The following PTPN5 variants were observed in gnomAD, a reference collection of about 807,000 sequenced individuals.
PTPN5 encodes the protein tyrosine-protein phosphatase non-receptor type 5.
In PTPN5, 29 loss-of-function variants were observed where a neutral mutation model predicts 73.9. The observed-to-expected ratio is 0.39, with a 90% CI of 0.29 to 0.54. The LOEUF (loss-of-function observed/expected upper bound fraction) is 0.54. Among genes scored for constraint, PTPN5 ranks in the 20% least tolerant of loss-of-function variants. The pLI is 0.65. For missense variants in PTPN5, 652 were observed against 751.4 expected, an observed-to-expected ratio of 0.87 and a Z score of 1.55; for synonymous variants, 267 against 304.7, an observed-to-expected ratio of 0.88 and a Z score of 1.29.
At chr11:18,751,798 T>C (rs1849899945) in intron 3 of PTPN5, among the ~76,000 whole-genome samples, 1 of 152,238 alleles carries the variant, frequency 6.6e-6, no homozygotes, top group Admixed American at 6.5e-5. Flanking sequence ...TTAACTCCTG[T>C]GGTGGTCTTA....
At chr11:18,739,882 G>A (rs1484583891) in intron 8 of PTPN5, among the ~76,000 whole-genome samples, 18 of 152,214 alleles carry the variant, frequency 1.2e-4, no homozygotes, top group Non-Finnish European at 2.5e-4. Context: ...GCCCCCATGC[G>A]GCAAGGTCCG....
At chr11:18,766,892 T>G (rs1406734097) in intron 2 of PTPN5, among the ~76,000 whole-genome samples, 2 of 152,186 alleles carry the variant, frequency 1.3e-5, no homozygotes, top group African/African-American at 4.8e-5. Context: ...GAAAATGCAT[T>G]CTGATGCATT....
At chr11:18,751,511 G>A (rs1191008415) in intron 3 of PTPN5, among the ~76,000 whole-genome samples, 1 of 152,130 alleles carries the variant, frequency 6.6e-6, no homozygotes, top group Non-Finnish European at 1.5e-5. Context: ...CCTCCACCCT[G>A]TTAGTCCTGC....
At chr11:18,732,472 G>T (rs1031636321) in intron 12 of PTPN5, 120 bp downstream of exon 12, 33 of 729,548 alleles carry the variant, frequency 4.5e-5, no homozygotes, top group Admixed American at 6.6e-5. Flanking sequence ...CAGAAAATCT[G>T]GGAGTGACAC....
intron 8 of PTPN5, among the ~76,000 whole-genome samples, chr11:18,739,636 C>G (rs2134212810): frequency 6.6e-6 from 1 of 152,338 alleles, no homozygotes; most frequent in Admixed American, 6.5e-5. Context: ...CAGACAGGCC[C>G]AGGGCGGAGG....
At chr11:18,749,896 T>C (rs920434926) in intron 3 of PTPN5, among the ~76,000 whole-genome samples, 1 of 152,200 alleles carries the variant, frequency 6.6e-6, no homozygotes, top group African/African-American at 2.4e-5. Flanking sequence ...TCTGTTCCTG[T>C]TTACATGAGA....
In PTPN5 at chr11:18,733,973, G is replaced by C. The variant is rs1254332005; in HGVS notation, c.1001-338C>G. 6.6e-6 allele frequency among the ~76,000 whole-genome samples: 1 copy of C among 152,208 alleles called. No individual in the cohort carries two copies. The highest frequency in any genetic ancestry group is 2.4e-5 in the African/African-American group (1 of 41,454). On this transcript the variant is annotated intron_variant, in intron 9 of 14. Transcript: ENST00000358540. This position sits in a 1 kb window ranked among gnomAD's most constrained non-coding sequence, Gnocchi z 4.3. ...AATTACCTAGGGAAATTCCTGTACA[G>C]ATCTTGTTCAGCAAGAGACAGCTAG...
chr11:18,736,009 T>C (rs928218782), intron 9 of PTPN5, among the ~76,000 whole-genome samples: 6 of 152,180 alleles, frequency 3.9e-5, no homozygotes, highest in African/African-American at 1.4e-4. Flanking sequence ...GGGGCACTTA[T>C]GTCAATGTAG....
intron 12 of PTPN5, among the ~76,000 whole-genome samples, chr11:18,732,025 A>G (rs1187475131): frequency 6.6e-6 from 1 of 152,128 alleles, no homozygotes; most frequent in Non-Finnish European, 1.5e-5. Context: ...GGGTGGGAGG[A>G]TACCTTCTCC....
At chr11:18,740,908 T>C (rs909545993) in intron 7 of PTPN5, 116 bp from the exon 8 acceptor site, 8 of 576,712 alleles carry the variant, frequency 1.4e-5, no homozygotes, top group Admixed American at 4.0e-5. Context: ...CAGGGTGGGG[T>C]TGAGGAAGAG....
chr11:18,729,623 C>T lies in PTPN5; in HGVS notation c.1490+35G>A. 6.3e-7 allele frequency: 1 copy of T among 1,574,906 alleles called. No homozygotes were observed. The highest frequency in any genetic ancestry group is 1.1e-5 in the South Asian group (1 of 89,048). ...GCAGGGCAGCCCAGCGGGTGGGGGG[C>T]TGCCCCGCTCCAGTGGCTGGCTGGG... On this transcript the variant is annotated intron_variant, in intron 13 of 14. Coordinates refer to ENST00000358540, the MANE Select transcript of PTPN5 (RefSeq NM_006906.2). This position sits in a 1 kb window ranked among gnomAD's most constrained non-coding sequence, Gnocchi z 5.2.
At position 18,729,091 on chromosome 11, in the gene PTPN5, A is replaced by T; in HGVS notation, c.1605-64T>A. The T allele has an allele frequency of 6.5e-7, 1 of 1,545,626 alleles. No homozygotes were observed. The highest frequency in any genetic ancestry group is 8.8e-7 in the Non-Finnish European group (1 of 1,131,794). On this transcript the variant is annotated intron_variant, in intron 14 of 14. Transcript: ENST00000358540. The surrounding 1 kb of genome is among the most constrained non-coding windows in gnomAD (Gnocchi z 5.2). ...AGGGATGGGCTGTGGGAGGTGCCCC[A>T]AAAGCCATGGAGTAGCAATCACTTG...
At chr11:18,747,835 A>G (rs1268895358) in intron 3 of PTPN5, among the ~76,000 whole-genome samples, 1 of 152,274 alleles carries the variant, frequency 6.6e-6, no homozygotes, top group Non-Finnish European at 1.5e-5. Context: ...ATGTGAGATT[A>G]GAGGTTAACA....
chr11:18,789,970 C>A (rs1419069720), intron 1 of PTPN5, among the ~76,000 whole-genome samples: 1 of 152,090 alleles, frequency 6.6e-6, no homozygotes. Context: ...GTTCTTGAGA[C>A]CAGAACCTCA....
intron 3 of PTPN5, among the ~76,000 whole-genome samples, chr11:18,749,073 G>A (rs1342141133): frequency 6.6e-6 from 1 of 152,214 alleles, no homozygotes; most frequent in Non-Finnish European, 1.5e-5. Context: ...AAGTGCCTCT[G>A]CATACGCAAT....
At chr11:18,758,508 G>A (rs1267825184) in intron 3 of PTPN5, among the ~76,000 whole-genome samples, 1 of 152,140 alleles carries the variant, frequency 6.6e-6, no homozygotes, top group African/African-American at 2.4e-5. Context: ...GATGCCACAT[G>A]GAATGGAAGA....
At chr11:18,735,990 C>A (rs982355017) in intron 9 of PTPN5, among the ~76,000 whole-genome samples, 2 of 152,114 alleles carry the variant, frequency 1.3e-5, no homozygotes, top group African/African-American at 2.4e-5. Context: ...CAGCCTGGCA[C>A]GGCTCCAGGG....
At position 18,729,938 on chromosome 11, in the gene PTPN5, C is replaced by T. The variant is rs1484570587; in HGVS notation, c.1330-120G>A. ...CACAGGAAGAACACTGAGAGTGGGA[C>T]CCCTTCACCCTTCCATCTAGGCCAC... On this transcript the variant is annotated intron_variant, in intron 12 of 14. Transcript: ENST00000358540. The surrounding 1 kb of genome is among the most constrained non-coding windows in gnomAD (Gnocchi z 5.2). 7 of 1,317,812 alleles carry T rather than the reference C, an allele frequency of 5.3e-6. No individual in the cohort carries two copies. The highest frequency in any genetic ancestry group is 7.5e-6 in the Non-Finnish European group (7 of 928,632). 81.6% of individuals were successfully genotyped at this position (1,317,812 alleles called of 1,614,324 possible).
At chr11:18,764,161 T>C (rs1224638462) in intron 3 of PTPN5, among the ~76,000 whole-genome samples, 10 of 152,248 alleles carry the variant, frequency 6.6e-5, no homozygotes, top group African/African-American at 2.4e-4. Flanking sequence ...AGTACTTGAA[T>C]GCCTCCTGTG....
Sources: allele counts gnomAD v4.1 joint callset (sites outside exome capture counted in the v4.1 genomes callset), GRCh38; gene constraint gnomAD v4.1.1; non-coding constraint Gnocchi (gnomAD v3.1); transcripts MANE v1.5; gene names NCBI Gene and HGNC (gene_info 2026-07-23, HGNC 2026-07-21).